The following MFHAS1 variants were observed in gnomAD, a reference collection of about 807,000 sequenced individuals.
The protein encoded by MFHAS1 is malignant fibrous histiocytoma-amplified sequence 1.
In MFHAS1, 50 loss-of-function variants were observed where a neutral mutation model predicts 70.4. That is an observed-to-expected ratio of 0.71 (90% CI 0.57 to 0.90). MFHAS1 has a LOEUF of 0.90. Ranked by LOEUF, MFHAS1 falls within the 40% of genes least tolerant of loss-of-function variation. MFHAS1 has a pLI of 0.00. For missense variants in MFHAS1, 1,795 were observed against 1,347.6 expected (o/e 1.33, Z -5.20); for synonymous variants, 952 against 620.0 (o/e 1.54, Z -7.96).
At chr8:8,801,148 G>A (rs1806071324) in intron 1 of MFHAS1, among the ~76,000 whole-genome samples, 1 of 152,030 alleles carries the variant, frequency 6.6e-6, no homozygotes, top group African/African-American at 2.4e-5. Context: ...CTGGGAAGTG[G>A]AGGTTGCAGT....
rs1810112988 is a variant in MFHAS1, at chr8:8,892,601, T to C, written c.458A>G (p.Gln153Arg). ...CTCCAGGTGAGCGAGAGCGCCCAGC[T>C]GGGCGGGCAGGGCGGGCAGCTGGTT... ...SHNQLPALPA[Q>R]LGALAHLEEL... The change falls in exon 1 of 3, where the codon CAG becomes CGG. Residue 153 changes from glutamine (Q) to arginine (R), a missense_variant. Transcript: ENST00000276282. The surrounding 1 kb of genome is among the most constrained non-coding windows in gnomAD (Gnocchi z 4.7). 6.2e-7 allele frequency: 1 copy of C among 1,609,206 alleles called. No homozygotes were observed. Among genetic ancestry groups the C allele is most frequent in the East Asian group, 2.2e-5 (1 of 44,610 alleles).
chr8:8,820,752 C>A (rs922969682), intron 1 of MFHAS1, among the ~76,000 whole-genome samples: 3 of 152,110 alleles, frequency 2.0e-5, no homozygotes, highest in Non-Finnish European at 4.4e-5. Context: ...AGGGGTGCCC[C>A]GGGAAAATCT....
At chr8:8,812,244 G>C (rs760695425) in intron 1 of MFHAS1, among the ~76,000 whole-genome samples, 1 of 152,168 alleles carries the variant, frequency 6.6e-6, no homozygotes, top group South Asian at 2.1e-4. Context: ...AAAGGGCAGA[G>C]ATACGAAGAA....
chr8:8,793,633 G>C (rs545467666), intron 2 of MFHAS1, among the ~76,000 whole-genome samples: 1 of 152,232 alleles, frequency 6.6e-6, no homozygotes, highest in Non-Finnish European at 1.5e-5. Context: ...CACCTTACCT[G>C]AGAGTGGGAG....
intron 1 of MFHAS1, among the ~76,000 whole-genome samples, chr8:8,826,025 C>CTGTA (rs1258203484): frequency 3.9e-5 from 6 of 152,094 alleles, no homozygotes; most frequent in African/African-American, 1.4e-4. Context: ...GACAGCTGTA[C>CTGTA]CCAAGAGGTT....
chr8:8,812,404 T>C (rs1334310179), intron 1 of MFHAS1, among the ~76,000 whole-genome samples: 1 of 152,110 alleles, frequency 6.6e-6, no homozygotes, highest in East Asian at 1.9e-4. Context: ...TCTCTGGAGA[T>C]CTTTCTTTCT....
intron 1 of MFHAS1, among the ~76,000 whole-genome samples, chr8:8,814,147 A>G (rs945933598): frequency 9.2e-5 from 14 of 152,172 alleles, no homozygotes; most frequent in African/African-American, 3.4e-4. Flanking sequence ...CATGTTGGCC[A>G]GGCTGGCCTC....
intron 1 of MFHAS1, among the ~76,000 whole-genome samples, chr8:8,813,325 C>G (rs952660360): frequency 3.3e-5 from 5 of 152,042 alleles, no homozygotes; most frequent in Non-Finnish European, 7.3e-5. Flanking sequence ...TACTTTTTAT[C>G]ATTCTTTTAG....
At chr8:8,847,980 T>G (rs917585365) in intron 1 of MFHAS1, among the ~76,000 whole-genome samples, 1 of 152,152 alleles carries the variant, frequency 6.6e-6, no homozygotes, top group Non-Finnish European at 1.5e-5. Flanking sequence ...AAAAACACTA[T>G]CCAAACATCC....
At chr8:8,834,381 A>T (rs976995794) in intron 1 of MFHAS1, among the ~76,000 whole-genome samples, 1 of 152,150 alleles carries the variant, frequency 6.6e-6, no homozygotes, top group Non-Finnish European at 1.5e-5. Flanking sequence ...ACATTTACTC[A>T]TTACTCATTC....
At chr8:8,824,018 C>G (rs949704852) in intron 1 of MFHAS1, among the ~76,000 whole-genome samples, 1 of 149,458 alleles carries the variant, frequency 6.7e-6, no homozygotes, top group Admixed American at 6.8e-5. Context: ...CTTAAATAAA[C>G]ATGCTTTTCA....
Position 8,784,721 on chromosome 8 carries a change from G to A in MFHAS1, c.*1301C>T, listed in dbSNP as rs554543973. On this transcript the variant is annotated 3_prime_UTR_variant, in exon 3 of 3. Transcript: ENST00000276282. ...GAAGCAGTCAGTTTTATACATTTTCGATCAACCCACGGAGGAGGCAAATGT... is the reference window on the plus strand; with the variant it reads ...GAAGCAGTCAGTTTTATACATTTTCAATCAACCCACGGAGGAGGCAAATGT... 3.3e-5 allele frequency: 5 copies of A among 152,078 alleles called. No homozygotes were observed. Among genetic ancestry groups the A allele is most frequent in the African/African-American group, 1.2e-4 (5 of 41,386 alleles). 9.4% of individuals were successfully genotyped at this position (152,078 alleles called of 1,614,324 possible).
rs1406770286 is a variant in MFHAS1, at chr8:8,792,992, T to G, written c.3125+4373A>C. ...TTCAAAGCATGGAAATGACTCACATTTCTATCTGATAATCAGCAAGGGGGA... is the reference window on the plus strand; with the variant it reads ...TTCAAAGCATGGAAATGACTCACATGTCTATCTGATAATCAGCAAGGGGGA... On this transcript the variant is annotated intron_variant, in intron 2 of 2. Coordinates refer to ENST00000276282, the MANE Select transcript of MFHAS1 (RefSeq NM_004225.3). 2.0e-5 allele frequency among the ~76,000 whole-genome samples: 3 copies of G among 152,290 alleles called. No homozygotes were observed. In the East Asian group the frequency reaches 5.8e-4, roughly 29 times the overall value.
intron 1 of MFHAS1, among the ~76,000 whole-genome samples, chr8:8,802,851 G>T (rs1182187169): frequency 1.3e-5 from 2 of 152,176 alleles, no homozygotes. Flanking sequence ...GTCCCTGGAA[G>T]GCCACCCACA....
chr8:8,882,251 G>A (rs1479214089), intron 1 of MFHAS1, among the ~76,000 whole-genome samples: 2 of 152,086 alleles, frequency 1.3e-5, no homozygotes, highest in Non-Finnish European at 2.9e-5. Flanking sequence ...TTAGCTGGGG[G>A]TGGTGGTATG....
chr8:8,891,394 G>C lies in MFHAS1; in HGVS notation c.1665C>G (p.His555Gln). ...RELEEKCLDIHRQIALQEKHD... is the reference protein window; with the variant it reads ...RELEEKCLDIQRQIALQEKHD... ...GCTTCTCCTGCAGGGCGATCTGGCG[G>C]TGAATGTCCAGACATTTCTCCTCCA... Residue 555 changes from histidine to glutamine, a missense_variant, in exon 1 of 3, where the codon CAC becomes CAG. Transcript: ENST00000276282. The surrounding 1 kb of genome is among the most constrained non-coding windows in gnomAD (Gnocchi z 5.4). 2 of 1,612,306 alleles carry C rather than the reference G, an allele frequency of 1.2e-6. No individual in the cohort carries two copies. The highest frequency in any genetic ancestry group is 1.7e-6 in the Non-Finnish European group (2 of 1,180,012).
chr8:8,877,781 G>A lies in MFHAS1; in HGVS notation c.2998+12280C>T, dbSNP rs367784219. ...AGAGAGCCCAGCCCAATGACAAAGG[G>A]ACAGGCTAGAACAATGCTTTTAAAA... On this transcript the variant is annotated intron_variant, in intron 1 of 2. Coordinates refer to ENST00000276282, the MANE Select transcript of MFHAS1 (RefSeq NM_004225.3). Among the ~76,000 whole-genome samples, 4 of 152,172 alleles carry A rather than the reference G, an allele frequency of 2.6e-5. No individual in the cohort carries two copies. The East Asian group carries it at 5.8e-4, about 22-fold the overall frequency.
intron 1 of MFHAS1, among the ~76,000 whole-genome samples, chr8:8,861,972 A>G (rs1166096569): frequency 6.6e-6 from 1 of 152,242 alleles, no homozygotes; most frequent in Non-Finnish European, 1.5e-5. Flanking sequence ...AGTATGTGGC[A>G]ATTGTGGAAA....
At chr8:8,867,420 T>C (rs1390158253) in intron 1 of MFHAS1, among the ~76,000 whole-genome samples, 2 of 152,172 alleles carry the variant, frequency 1.3e-5, no homozygotes, top group African/African-American at 4.8e-5. Context: ...TACTTGCCTA[T>C]AGGTGTCGCA....
Sources: allele counts gnomAD v4.1 joint callset (sites outside exome capture counted in the v4.1 genomes callset), GRCh38; gene constraint gnomAD v4.1.1; non-coding constraint Gnocchi (gnomAD v3.1); transcripts MANE v1.5; gene names NCBI Gene and HGNC (gene_info 2026-07-23, HGNC 2026-07-21).